The following LRRC8C variants were observed in gnomAD, a reference collection of about 807,000 sequenced individuals.
LRRC8C encodes the protein volume-regulated anion channel subunit LRRC8C.
Under a neutral mutation model 55.3 loss-of-function variants are expected in LRRC8C, and 20 were observed. The ratio of observed to expected loss-of-function variants is 0.36; its 90% CI spans 0.25 to 0.53. LRRC8C has a LOEUF of 0.53. LRRC8C is among the 20% of genes least tolerant of loss of function. LRRC8C has a pLI of 0.92. For missense variants in LRRC8C, 659 were observed against 951.4 expected, an observed-to-expected ratio of 0.69 and a Z score of 4.04; for synonymous variants, 376 against 360.7, an observed-to-expected ratio of 1.04 and a Z score of -0.48.
chr1:89,657,602 G>A (rs1048686141), intron 1 of LRRC8C, among the ~76,000 whole-genome samples: 4 of 152,024 alleles, frequency 2.6e-5, no homozygotes, highest in Middle Eastern at 3.2e-3. Flanking sequence ...TTATCTGGGC[G>A]TGGTAGCACA....
intron 1 of LRRC8C, among the ~76,000 whole-genome samples, chr1:89,655,263 C>T (rs10801763): frequency 0.56 from 85,113 of 151,726 alleles, 24,225 homozygotes; most frequent in East Asian, 0.8. Context: ...AAGTTCTTTT[C>T]GGTGTGTTTA....
At chr1:89,690,804 C>G (rs1371357010) in intron 2 of LRRC8C, among the ~76,000 whole-genome samples, 1 of 152,124 alleles carries the variant, frequency 6.6e-6, no homozygotes, top group African/African-American at 2.4e-5. Flanking sequence ...GCTGACCAGC[C>G]TTCTCAGCAC....
chr1:89,659,062 TGTGTGTGTGTGTGTGTGTGTGTGTGTG>T (rs1657039913), intron 1 of LRRC8C, among the ~76,000 whole-genome samples: 1 of 66,908 alleles, frequency 1.5e-5, no homozygotes, highest in Non-Finnish European at 3.1e-5. Context: ...TTTTTTTTTT[TGTGTGTGTGTGTGTGTGTGTGTGTGTG>T]TGTGTGTGTG....
intron 1 of LRRC8C, among the ~76,000 whole-genome samples, chr1:89,644,055 G>T (rs1192422312): frequency 1.3e-5 from 2 of 152,124 alleles, no homozygotes; most frequent in African/African-American, 4.8e-5. Context: ...AAAAGCAGGG[G>T]CTTATCAAAT....
intron 2 of LRRC8C, among the ~76,000 whole-genome samples, chr1:89,700,526 A>C (rs955348658): frequency 6.6e-6 from 1 of 152,208 alleles, no homozygotes; most frequent in African/African-American, 2.4e-5. Context: ...ATGCCAACCT[A>C]ATAGTAGATA....
chr1:89,672,029 G>A (rs566139577), intron 1 of LRRC8C, among the ~76,000 whole-genome samples: 1 of 152,164 alleles, frequency 6.6e-6, no homozygotes, highest in South Asian at 2.1e-4. Context: ...AAAATGACAG[G>A]GCCCAACCTT....
upstream of LRRC8C, among the ~76,000 whole-genome samples, chr1:89,629,202 G>A (rs924501696): frequency 2.6e-5 from 4 of 152,170 alleles, no homozygotes; most frequent in Non-Finnish European, 2.9e-5. Context: ...CATTTATCTT[G>A]CAGGTATTAA....
the LRRC8C span, among the ~76,000 whole-genome samples, chr1:89,624,495 G>T: frequency 6.6e-6 from 1 of 152,100 alleles, no homozygotes; most frequent in Non-Finnish European, 1.5e-5. Context: ...TAACAGCCAG[G>T]GAACTATTCC....
chr1:89,713,057 G>A lies in LRRC8C; in HGVS notation c.487G>A (p.Gly163Arg). 3 of 1,613,484 alleles carry A rather than the reference G, an allele frequency of 1.9e-6. No homozygotes were observed. Among genetic ancestry groups the A allele is most frequent in the South Asian group, 1.1e-5 (1 of 91,082 alleles). ...SKIEHFISIL[G>R]KCFDSPWTTR... ...AATAGAACATTTCATCTCCATTCTG[G>A]GGAAGTGTTTTGACTCTCCTTGGAC... The change falls in exon 3 of 3, where the codon GGG (glycine) becomes AGG (arginine). Residue 163 changes from glycine (G) to arginine (R), a missense_variant. By Grantham distance (125) the Gly-to-Arg change is moderately radical (BLOSUM62 -2). Coordinates refer to ENST00000370454, the MANE Select transcript of LRRC8C (RefSeq NM_032270.5). This position sits in a 1 kb window ranked among gnomAD's most constrained non-coding sequence, Gnocchi z 5.2.
chr1:89,702,463 C>T (rs1009371693), intron 2 of LRRC8C, among the ~76,000 whole-genome samples: 9 of 151,930 alleles, frequency 5.9e-5, no homozygotes, highest in Admixed American at 1.3e-4. Flanking sequence ...GGCCGGGTAC[C>T]GTGGTGAACA....
intron 2 of LRRC8C, among the ~76,000 whole-genome samples, chr1:89,687,134 C>A (rs1291356170): frequency 1.3e-5 from 2 of 152,150 alleles, no homozygotes; most frequent in East Asian, 3.8e-4. Context: ...TTTTACATAG[C>A]TGCTATGTTC....
At chr1:89,666,118 C>T (rs976072539) in intron 1 of LRRC8C, among the ~76,000 whole-genome samples, 1 of 152,086 alleles carries the variant, frequency 6.6e-6, no homozygotes, top group Non-Finnish European at 1.5e-5. Context: ...TTTCTCAGAA[C>T]GTATCCCCAT....
the LRRC8C span, among the ~76,000 whole-genome samples, chr1:89,625,616 C>A: frequency 6.6e-6 from 1 of 152,160 alleles, no homozygotes; most frequent in Admixed American, 6.5e-5. Context: ...GTGCGCATGG[C>A]TACGGCATTT....
chr1:89,619,545 C>G, the LRRC8C span, among the ~76,000 whole-genome samples: 1 of 150,306 alleles, frequency 6.7e-6, no homozygotes, highest in Non-Finnish European at 1.5e-5. Context: ...TCATTATGTT[C>G]ACTTTTTAAA....
chr1:89,696,524 A>G (rs573551079), intron 2 of LRRC8C, among the ~76,000 whole-genome samples: 11 of 152,030 alleles, frequency 7.2e-5, no homozygotes, highest in African/African-American at 4.8e-5. Context: ...GGGGAGAGAG[A>G]TATTGATTTA....
intron 1 of LRRC8C, among the ~76,000 whole-genome samples, chr1:89,658,405 A>T (rs542381396): frequency 1.6e-4 from 24 of 152,324 alleles, no homozygotes; most frequent in Admixed American, 6.5e-4. Context: ...AATATAATCT[A>T]AAAAAGGCTT....
intron 1 of LRRC8C, among the ~76,000 whole-genome samples, chr1:89,685,565 T>C (rs1016865243): frequency 6.6e-6 from 1 of 152,118 alleles, no homozygotes; most frequent in Non-Finnish European, 1.5e-5. Context: ...AGAAAGAATA[T>C]TTCTCCTCAC....
At chr1:89,633,916 CA>C (rs1387518506) in intron 1 of LRRC8C, among the ~76,000 whole-genome samples, 1 of 152,176 alleles carries the variant, frequency 6.6e-6, no homozygotes, top group African/African-American at 2.4e-5. Context: ...CGGTTGAGGC[CA>C]AAACCGCTGC....
intron 1 of LRRC8C, among the ~76,000 whole-genome samples, chr1:89,678,239 T>G (rs1396018910): frequency 1.3e-5 from 2 of 152,250 alleles, no homozygotes; most frequent in Admixed American, 6.5e-5. Flanking sequence ...TTAACTAAAA[T>G]TACTATGTAT....
Sources: allele counts gnomAD v4.1 joint callset (sites outside exome capture counted in the v4.1 genomes callset), GRCh38; gene constraint gnomAD v4.1.1; non-coding constraint Gnocchi (gnomAD v3.1); transcripts MANE v1.5; gene names NCBI Gene and HGNC (gene_info 2026-07-23, HGNC 2026-07-21).